Variants in SORCS2 observed in about 807,000 individuals in gnomAD.
SORCS2 encodes VPS10 domain-containing receptor SorCS2.
SORCS2 carries 100 observed loss-of-function variants against 141.6 expected under a neutral mutation model. The observed-to-expected ratio is 0.71, with a 90% CI of 0.60 to 0.83. The LOEUF is 0.83. Among genes scored for constraint, SORCS2 ranks in the 40% least tolerant of loss-of-function variants. The pLI is 0.00. For missense variants in SORCS2, 1,646 were observed against 1,560.2 expected, an observed-to-expected ratio of 1.05 and a Z score of -0.93; for synonymous variants, 789 against 676.9, an observed-to-expected ratio of 1.17 and a Z score of -2.57.
chr4:7,578,963 G>A (rs919705424), intron 3 of SORCS2, among the ~76,000 whole-genome samples: 3 of 152,196 alleles, frequency 2.0e-5, no homozygotes, highest in African/African-American at 4.8e-5. Context: ...GCTTCCACTT[G>A]TCTTCCCATG....
At chr4:7,694,645 G>A (rs564200183) in intron 11 of SORCS2, among the ~76,000 whole-genome samples, 1 of 152,208 alleles carries the variant, frequency 6.6e-6, no homozygotes, top group African/African-American at 2.4e-5. Flanking sequence ...AAGATAAAAG[G>A]CATCTTTTCT....
At chr4:7,320,993 G>T (rs1452367747) in intron 1 of SORCS2, among the ~76,000 whole-genome samples, 1 of 151,020 alleles carries the variant, frequency 6.6e-6, no homozygotes, top group Non-Finnish European at 1.5e-5. Context: ...TGGTTACATG[G>T]ATGAATTGTA....
chr4:7,467,095 C>G (rs1344967102), intron 2 of SORCS2, among the ~76,000 whole-genome samples: 1 of 152,170 alleles, frequency 6.6e-6, no homozygotes, highest in African/African-American at 2.4e-5. Context: ...AAAACTCCCA[C>G]CACGGTCCAG....
At position 7,714,365 on chromosome 4, in the gene SORCS2, C is replaced by T; in HGVS notation, c.2115C>T (p.Asp705=). The T allele has an allele frequency of 6.4e-7, 1 of 1,553,942 alleles. No homozygotes were observed. Among genetic ancestry groups the T allele is most frequent in the Non-Finnish European group, 8.7e-7 (1 of 1,148,430 alleles). Residue 705 remains aspartate, a synonymous_variant, in exon 16 of 27, where the codon GAC becomes GAT. Coordinates refer to ENST00000507866, the MANE Select transcript of SORCS2 (RefSeq NM_020777.3). ...GCGTGTGCGAGTGCCGGGACTCGGACTTCCTGTGGTGAGCGACGGGCTCCT... is the reference window on the plus strand; with the variant it reads ...GCGTGTGCGAGTGCCGGGACTCGGATTTCCTGTGGTGAGCGACGGGCTCCT... ...TSRVCECRDS[D]FLCDYGFERS...
chr4:7,666,975 T>C lies in SORCS2; in HGVS notation c.1072-149T>C, dbSNP rs188387501. On this transcript the variant is annotated intron_variant, in intron 7 of 26. Transcript: ENST00000507866. ...TTAATTTGGGGCTTTGAAGGATGAA[T>C]AGGAGTCTGTTCATTTCAAGCAGAA... 1,161 of 696,230 alleles carry C rather than the reference T, an allele frequency of 1.7e-3. 14 individuals are homozygous for C. The highest frequency in any genetic ancestry group is 0.016 in the South Asian group (841 of 52,588). 43.1% of individuals were successfully genotyped at this position (696,230 alleles called of 1,614,324 possible).
At chr4:7,602,850 G>T (rs1717820640) in intron 3 of SORCS2, among the ~76,000 whole-genome samples, 1 of 152,222 alleles carries the variant, frequency 6.6e-6, no homozygotes, top group Non-Finnish European at 1.5e-5. Flanking sequence ...TCACGCCACT[G>T]CACTCCAGCC....
Position 7,664,193 on chromosome 4 carries a change from C to T in SORCS2, c.953-160C>T, listed in dbSNP as rs990585848. Among the ~76,000 whole-genome samples, 7 of 152,146 alleles carry T rather than the reference C, an allele frequency of 4.6e-5. No individual in the cohort carries two copies. The highest frequency in any genetic ancestry group is 1.7e-4 in the African/African-American group (7 of 41,440). ...GGTGGCCCACAGTGAGCGAGGATGACACCCTCAGCCGCAGGTGTCATCACG... is the reference window on the plus strand; with the variant it reads ...GGTGGCCCACAGTGAGCGAGGATGATACCCTCAGCCGCAGGTGTCATCACG... On this transcript the variant is annotated intron_variant, in intron 6 of 26. Transcript: ENST00000507866. The surrounding 1 kb of genome is among the most constrained non-coding windows in gnomAD (Gnocchi z 4.7).
rs1232986865 is a variant in SORCS2 at position 7,715,246 on chromosome 4, C to T, written c.2187C>T (p.Phe729=). ...ESSTNKCSAN[F]WFNPLSPPDD... Reference sequence around the variant, plus strand: ...GCACCAACAAGTGCTCTGCCAACTTCTGGTTTAACCCATTGTCCCCGCCTG... The same window carrying T: ...GCACCAACAAGTGCTCTGCCAACTTTTGGTTTAACCCATTGTCCCCGCCTG... Residue 729 remains phenylalanine, a synonymous_variant, in exon 17 of 27, where the codon TTC becomes TTT. Transcript: ENST00000507866. The T allele has an allele frequency of 1.9e-6, 3 of 1,613,918 alleles. No homozygotes were observed. Among genetic ancestry groups the T allele is most frequent in the East Asian group, 2.2e-5 (1 of 44,892 alleles).
intron 18 of SORCS2, among the ~76,000 whole-genome samples, chr4:7,720,806 T>A (rs1726536521): frequency 6.6e-6 from 1 of 152,234 alleles, no homozygotes; most frequent in Non-Finnish European, 1.5e-5. Flanking sequence ...CCTATCAGAA[T>A]GGCTGACATT....
At chr4:7,573,639 C>A (rs1469419958) in intron 3 of SORCS2, among the ~76,000 whole-genome samples, 1 of 152,088 alleles carries the variant, frequency 6.6e-6, no homozygotes, top group East Asian at 1.9e-4. Context: ...TGCCTCAGCC[C>A]CCTGAGTAGC....
In SORCS2 at chr4:7,216,139, C is replaced by G. The variant is rs530341844; in HGVS notation, c.480+23013C>G. ...GAGACCACGAGCCCACGGGGAGGAA[C>G]AAACAACTCCAGACGCGCCGCCTTA... On this transcript the variant is annotated intron_variant, in intron 1 of 26. Coordinates refer to ENST00000507866, the MANE Select transcript of SORCS2 (RefSeq NM_020777.3). Among the ~76,000 whole-genome samples, 6 of 152,278 alleles carry G rather than the reference C, an allele frequency of 3.9e-5. No individual in the cohort carries two copies. The East Asian group carries it at 9.7e-4, about 25-fold the overall frequency.
At chr4:7,714,138 G>A (rs916935435) in intron 15 of SORCS2, 102 bp from the exon 16 acceptor site, 5 of 1,464,642 alleles carry the variant, frequency 3.4e-6, no homozygotes, top group Middle Eastern at 1.8e-4. Context: ...TGTAACCTGA[G>A]CCATCAGCCA....
At chr4:7,723,378 C>G (rs1029718620) in intron 18 of SORCS2, among the ~76,000 whole-genome samples, 1 of 152,154 alleles carries the variant, frequency 6.6e-6, no homozygotes, top group African/African-American at 2.4e-5. Flanking sequence ...CTCCCCCGGG[C>G]CCTGACTGCC....
intron 11 of SORCS2, among the ~76,000 whole-genome samples, chr4:7,693,052 A>G (rs547008546): frequency 2.7e-4 from 41 of 152,302 alleles, no homozygotes; most frequent in Middle Eastern, 3.4e-3. Context: ...AAATCAACCC[A>G]GCCCTGGCCG....
intron 1 of SORCS2, among the ~76,000 whole-genome samples, chr4:7,379,356 C>T (rs1262781624): frequency 2.6e-5 from 4 of 152,186 alleles, no homozygotes; most frequent in African/African-American, 4.8e-5. Context: ...ACACAGCCTG[C>T]GAGGTTGCAC....
At chr4:7,619,115 G>A (rs998183954) in intron 3 of SORCS2, among the ~76,000 whole-genome samples, 2 of 152,178 alleles carry the variant, frequency 1.3e-5, no homozygotes, top group Non-Finnish European at 2.9e-5. Flanking sequence ...GCCTCTCAGA[G>A]CTCCAGGAAG....
At chr4:7,244,349 G>A (rs1712929543) in intron 1 of SORCS2, among the ~76,000 whole-genome samples, 1 of 152,242 alleles carries the variant, frequency 6.6e-6, no homozygotes, top group African/African-American at 2.4e-5. Context: ...TCATGGGTAA[G>A]GGCTTTCAGC....
At chr4:7,425,608 A>G (rs2109204640) in intron 2 of SORCS2, among the ~76,000 whole-genome samples, 1 of 152,342 alleles carries the variant, frequency 6.6e-6, no homozygotes, top group African/African-American at 2.4e-5. Flanking sequence ...CTGAGCCGTC[A>G]AATGGTTGTC....
At chr4:7,588,183 T>C (rs1716667979) in intron 3 of SORCS2, among the ~76,000 whole-genome samples, 1 of 152,148 alleles carries the variant, frequency 6.6e-6, no homozygotes, top group Non-Finnish European at 1.5e-5. Context: ...GGTCGGCAAA[T>C]CCTTTCTGTT....
Sources: allele counts gnomAD v4.1 joint callset (sites outside exome capture counted in the v4.1 genomes callset), GRCh38; gene constraint gnomAD v4.1.1; non-coding constraint Gnocchi (gnomAD v3.1); transcripts MANE v1.5; gene names NCBI Gene and HGNC (gene_info 2026-07-23, HGNC 2026-07-21).